Variants in LRRTM4 observed in about 807,000 individuals in gnomAD.
LRRTM4 encodes the protein leucine-rich repeat transmembrane neuronal protein 4.
In LRRTM4, 25 loss-of-function variants were observed where a neutral mutation model predicts 47.6. That is an observed-to-expected ratio of 0.53 (90% CI 0.38 to 0.73). The LOEUF (loss-of-function observed/expected upper bound fraction) is 0.73. Ranked by LOEUF, LRRTM4 falls within the 30% of genes least tolerant of loss-of-function variation. The probability of loss-of-function intolerance (pLI) is 0.00; values close to 1 mark genes in which losing one functional copy is unlikely to be tolerated. For synonymous variants in LRRTM4, 311 were observed against 269.5 expected, an observed-to-expected ratio of 1.15 and a Z score of -1.51; for missense variants, 638 against 713.4, an observed-to-expected ratio of 0.89 and a Z score of 1.20.
intron 3 of LRRTM4, among the ~76,000 whole-genome samples, chr2:77,499,453 T>C (rs990557830): frequency 6.6e-6 from 1 of 151,882 alleles, no homozygotes; most frequent in African/African-American, 2.4e-5. Context: ...CAGGTGTTAA[T>C]CTTGTCTCTG....
At chr2:76,815,113 AAAATAAGAAAAGAAAT>A (rs1485038832) in intron 3 of LRRTM4, among the ~76,000 whole-genome samples, 12 of 152,046 alleles carry the variant, frequency 7.9e-5, no homozygotes, top group Admixed American at 2.0e-4. Context: ...GTATCTATTA[AAAATAAGAAAAGAAAT>A]AAATAAGAAA....
At chr2:76,780,264 T>A (rs1674294659) in intron 3 of LRRTM4, among the ~76,000 whole-genome samples, 2 of 152,188 alleles carry the variant, frequency 1.3e-5, no homozygotes, top group Admixed American at 1.3e-4. Context: ...TCGAGGAGTA[T>A]CTTTGTGTTG....
At position 77,289,239 on chromosome 2, in the gene LRRTM4, A is replaced by G. The variant is rs1676751792; in HGVS notation, c.1551+229079T>C. Among the ~76,000 whole-genome samples the G allele has an allele frequency of 2.0e-5, 3 of 151,706 alleles. No individual in the cohort carries two copies. In the South Asian group the frequency reaches 6.2e-4, roughly 31 times the overall value. On this transcript the variant is annotated intron_variant, in intron 3 of 3. Coordinates refer to ENST00000409884, the MANE Select transcript of LRRTM4 (RefSeq NM_001134745.3). ...AGCCCTTTATCCTTTTTTTTGTTAC[A>G]ACAATATGTCCTAATTTAGGTACTA...
chr2:77,444,027 A>G (rs1218129887), intron 3 of LRRTM4, among the ~76,000 whole-genome samples: 1 of 152,186 alleles, frequency 6.6e-6, no homozygotes, highest in African/African-American at 2.4e-5. Flanking sequence ...TAAAGGAATT[A>G]AATTCAATGA....
chr2:77,448,251 C>T (rs978903253), intron 3 of LRRTM4, among the ~76,000 whole-genome samples: 39 of 151,214 alleles, frequency 2.6e-4, no homozygotes, highest in Non-Finnish European at 4.9e-4. Context: ...TTCTGACCTC[C>T]TGTTCAGCAC....
intron 3 of LRRTM4, among the ~76,000 whole-genome samples, chr2:76,937,447 T>C (rs898417836): frequency 6.6e-6 from 1 of 152,216 alleles, no homozygotes; most frequent in African/African-American, 2.4e-5. Context: ...TTCTAATCTT[T>C]GAAGAGAACT....
intron 3 of LRRTM4, among the ~76,000 whole-genome samples, chr2:77,088,663 G>C (rs146699455): frequency 0.042 from 6,448 of 152,152 alleles, 281 homozygotes; most frequent in African/African-American, 0.1. Context: ...CTCTTCACAC[G>C]GACGCGCATG....
intron 3 of LRRTM4, among the ~76,000 whole-genome samples, chr2:77,096,263 T>C (rs1670809916): frequency 6.6e-6 from 1 of 151,836 alleles, no homozygotes; most frequent in Admixed American, 6.6e-5. Flanking sequence ...AATTGTGGAA[T>C]AATGCCTTCA....
At position 77,447,496 on chromosome 2, in the gene LRRTM4, C is replaced by T. The variant is rs372708861; in HGVS notation, c.1551+70822G>A. 7.9e-5 allele frequency among the ~76,000 whole-genome samples: 12 copies of T among 152,192 alleles called. No individual in the cohort carries two copies. The East Asian group carries it at 1.5e-3, about 20-fold the overall frequency. On this transcript the variant is annotated intron_variant, in intron 3 of 3. Coordinates refer to ENST00000409884, the MANE Select transcript of LRRTM4 (RefSeq NM_001134745.3). The stretch of plus-strand genomic sequence containing the variant: ...TCTCAATTCACCATGTGTTATTAGC[C>T]ACACCCATCCACATTCTATGTCCAA...
chr2:77,077,050 G>A (rs568892267), intron 3 of LRRTM4, among the ~76,000 whole-genome samples: 1 of 152,222 alleles, frequency 6.6e-6, no homozygotes, highest in Admixed American at 6.5e-5. Flanking sequence ...CTTATTTGTT[G>A]ATTAGTACCT....
intron 3 of LRRTM4, among the ~76,000 whole-genome samples, chr2:77,284,083 C>T (rs554782036): frequency 1.3e-5 from 2 of 152,046 alleles, no homozygotes; most frequent in Non-Finnish European, 2.9e-5. Context: ...ACTTTTAGAT[C>T]CCTTAGACGT....
At chr2:76,825,114 A>C (rs571097277) in intron 3 of LRRTM4, among the ~76,000 whole-genome samples, 2 of 151,674 alleles carry the variant, frequency 1.3e-5, no homozygotes, top group Non-Finnish European at 3.0e-5. Context: ...AAGATAGATA[A>C]GGGGTAAAAT....
At chr2:77,089,138 G>C (rs145321117) in intron 3 of LRRTM4, among the ~76,000 whole-genome samples, 1 of 152,046 alleles carries the variant, frequency 6.6e-6, no homozygotes, top group African/African-American at 2.4e-5. Flanking sequence ...GGCAAGTCCC[G>C]CTTTTCTGGG....
chr2:76,873,497 T>C (rs1182846592), intron 3 of LRRTM4, among the ~76,000 whole-genome samples: 1 of 99,158 alleles, frequency 1.0e-5, no homozygotes, highest in South Asian at 3.2e-4. Flanking sequence ...TGTGTGTATA[T>C]ATATGTGTGT....
chr2:77,175,536 A>G (rs191039307), intron 3 of LRRTM4, among the ~76,000 whole-genome samples: 299 of 152,122 alleles, frequency 2.0e-3, no homozygotes, highest in African/African-American at 6.9e-3. Flanking sequence ...CCTGCTCTCC[A>G]TTATCTCAAG....
intron 3 of LRRTM4, among the ~76,000 whole-genome samples, chr2:76,988,081 T>A (rs1206636051): frequency 1.3e-5 from 2 of 151,846 alleles, no homozygotes; most frequent in Admixed American, 6.6e-5. Flanking sequence ...TAGCTCTGGG[T>A]TCTTTTTTCT....
chr2:76,817,028 A>G (rs1230304132), intron 3 of LRRTM4, among the ~76,000 whole-genome samples: 1 of 151,588 alleles, frequency 6.6e-6, no homozygotes, highest in African/African-American at 2.4e-5. Flanking sequence ...GTTCTATTGA[A>G]TCTTAAAATT....
chr2:77,399,186 T>TA lies in LRRTM4; in HGVS notation c.1551+119131dup, dbSNP rs1281259380. ...GCAGGGCTTTTTTTTTTTTTAATTTTAAAAAATATTTTTAAATTAATTACT... is the reference window on the plus strand; with the variant it reads ...GCAGGGCTTTTTTTTTTTTTAATTTTAAAAAAATATTTTTAAATTAATTACT... On this transcript the variant is annotated intron_variant, in intron 3 of 3. Transcript: ENST00000409884. Among the ~76,000 whole-genome samples, 459 of 151,184 alleles carry TA rather than the reference T, an allele frequency of 3.0e-3. 2 individuals carry two copies. The highest frequency in any genetic ancestry group is 0.011 in the African/African-American group (443 of 41,336).
At chr2:77,480,833 GAGA>G (rs1558763599) in intron 3 of LRRTM4, among the ~76,000 whole-genome samples, 3 of 49,156 alleles carry the variant, frequency 6.1e-5, no homozygotes, top group African/African-American at 2.1e-4. Flanking sequence ...GAGAGAGAGA[GAGA>G]GAGAGAGAGA....
Sources: allele counts gnomAD v4.1 joint callset (sites outside exome capture counted in the v4.1 genomes callset), GRCh38; gene constraint gnomAD v4.1.1; transcripts MANE v1.5; gene names NCBI Gene and HGNC (gene_info 2026-07-23, HGNC 2026-07-21).